Variants in TPD52L2 observed in about 807,000 individuals in gnomAD.
The protein encoded by TPD52L2 is TPD52 like 2, also known as tumor protein D54.
Under a neutral mutation model 24.7 loss-of-function variants are expected in TPD52L2, and 19 were observed. The observed-to-expected ratio is 0.77, with a 90% CI of 0.54 to 1.13. The LOEUF is 1.13. Among genes scored for constraint, TPD52L2 ranks in the 50% most tolerant of loss-of-function variants. TPD52L2 has a pLI of 0.00. For synonymous variants in TPD52L2, 104 were observed against 100.2 expected (o/e 1.04, Z -0.23); for missense variants, 236 against 250.4 (o/e 0.94, Z 0.39).
At position 63,873,715 on chromosome 20, in the gene TPD52L2, G is replaced by T. The variant is rs1342148154; in HGVS notation, c.213G>T (p.Glu71Asp). ...VTLRQVLAAK[E>D]RHCGELKRRL... Reference sequence around the variant, plus strand: ...TGCGCCAGGTCCTGGCAGCCAAGGAGAGGCACTGTGGAGAGCTCAAGAGGA... The same window carrying T: ...TGCGCCAGGTCCTGGCAGCCAAGGATAGGCACTGTGGAGAGCTCAAGAGGA... The change falls in exon 3 of 7, where the codon GAG (glutamate) becomes GAT (aspartate). Residue 71 changes from glutamate to aspartate, a missense_variant. Physicochemically the swap from Glu to Asp is conservative, Grantham distance 45 (BLOSUM62 2). Coordinates refer to ENST00000346249, the MANE Select transcript of TPD52L2 (RefSeq NM_003288.4). 1.2e-6 allele frequency: 2 copies of T among 1,610,792 alleles called. No homozygotes were observed. The highest frequency in any genetic ancestry group is 1.7e-6 in the Non-Finnish European group (2 of 1,178,946).
In TPD52L2 at chr20:63,890,030, C is replaced by G. The variant is rs2053274345; in HGVS notation, c.*85C>G. ...CAGCTCTGTTCAGCGGAGCAGCCAG[C>G]CAGGGCGGATGAGCAGAGCCGGCCC... is the stretch of plus-strand genomic sequence containing the variant. On this transcript the variant is annotated 3_prime_UTR_variant, in exon 7 of 7. Transcript: ENST00000346249. The G allele has an allele frequency of 6.3e-7, 1 of 1,586,356 alleles. No homozygotes were observed. Among genetic ancestry groups the G allele is most frequent in the Non-Finnish European group, 8.6e-7 (1 of 1,167,556 alleles).
At chr20:63,882,116 C>G (rs1170816214) in intron 4 of TPD52L2, among the ~76,000 whole-genome samples, 2 of 152,238 alleles carry the variant, frequency 1.3e-5, no homozygotes, top group African/African-American at 2.4e-5. Context: ...CACACGGGGC[C>G]CCGCCGTCTG....
intron 5 of TPD52L2, among the ~76,000 whole-genome samples, chr20:63,885,126 G>A (rs778358564): frequency 5.3e-5 from 8 of 152,364 alleles, no homozygotes; most frequent in South Asian, 4.1e-4. Context: ...GAACCCCGGC[G>A]GACCCCTGCT....
rs555080349 is a variant in TPD52L2 at position 63,877,724 on chromosome 20, C to T, written c.374+1849C>T. ...GAGCTTATTACAACACTCAGCGTCC[C>T]GACCCCTCTGGAGAAACCTGTGGCT... On this transcript the variant is annotated intron_variant, in intron 4 of 6. Coordinates refer to ENST00000346249, the MANE Select transcript of TPD52L2 (RefSeq NM_003288.4). This position sits in a 1 kb window ranked among gnomAD's most constrained non-coding sequence, Gnocchi z 4.1. 2.7e-4 allele frequency among the ~76,000 whole-genome samples: 41 copies of T among 152,274 alleles called. No homozygotes were observed. Among genetic ancestry groups the T allele is most frequent in the Non-Finnish European group, 4.1e-4 (28 of 68,048 alleles).
At position 63,869,383 on chromosome 20, in the gene TPD52L2, C is replaced by G; in HGVS notation, c.107C>G (p.Pro36Arg). 3 of 1,614,232 alleles carry G rather than the reference C, an allele frequency of 1.9e-6. No individual in the cohort carries two copies. Among genetic ancestry groups the G allele is most frequent in the Non-Finnish European group, 2.5e-6 (3 of 1,180,048 alleles). Residue 36 changes from proline (P) to arginine (R), a missense_variant, in exon 2 of 7, where the codon CCT (proline) becomes CGT (arginine). Physicochemically the swap from Pro to Arg is moderately radical, Grantham distance 103 (BLOSUM62 -2). Coordinates refer to ENST00000346249, the MANE Select transcript of TPD52L2 (RefSeq NM_003288.4). Reference protein sequence around the residue: ...PVDTGVAARTPAVEGLTEAEE... With the variant: ...PVDTGVAARTRAVEGLTEAEE... ...GACACAGGTGTGGCTGCCCGGACTC[C>G]TGCTGTTGAGGGTCTGACAGAGGCT... is the stretch of plus-strand genomic sequence containing the variant.
intron 4 of TPD52L2, among the ~76,000 whole-genome samples, chr20:63,879,262 C>T (rs1327118946): frequency 6.6e-6 from 1 of 152,180 alleles, no homozygotes; most frequent in Non-Finnish European, 1.5e-5. Flanking sequence ...CTCATTTCCA[C>T]ACCCGAGCAA....
chr20:63,882,241 A>C (rs942181538), intron 4 of TPD52L2, among the ~76,000 whole-genome samples: 2 of 152,238 alleles, frequency 1.3e-5, no homozygotes, highest in Non-Finnish European at 2.9e-5. Flanking sequence ...GAGGAAAGGG[A>C]AACTTGCACG....
At position 63,889,841 on chromosome 20, in the gene TPD52L2, C is replaced by G; in HGVS notation, c.526-9C>G. On this transcript the variant is annotated splice_polypyrimidine_tract_variant and intron_variant, in intron 6 of 6. Coordinates refer to ENST00000346249, the MANE Select transcript of TPD52L2 (RefSeq NM_003288.4). ...AGGTTTTTCTGTCTTCATCTTTTCT[C>G]TCCTGTAGTCTAAGGTTGTGGGTGA... 6.2e-7 allele frequency: 1 copy of G among 1,613,028 alleles called. No individual in the cohort carries two copies. Among genetic ancestry groups the G allele is most frequent in the Non-Finnish European group, 8.5e-7 (1 of 1,179,198 alleles).
rs1175618669 is a variant in TPD52L2, at chr20:63,873,760, G to C, written c.258G>C (p.Leu86=). 4 of 1,601,254 alleles carry C rather than the reference G, an allele frequency of 2.5e-6. No individual in the cohort carries two copies. In the Admixed American group the frequency reaches 5.2e-5, roughly 21 times the overall value. ...ELKRRLGLST[L]GELKQNLSRS... ...AGAGGAGGCTGGGCCTCTCCACCCT[G>C]GGGGAGCTGAAACAGAACCTGTCCA... Residue 86 remains leucine (L), a synonymous_variant, in exon 3 of 7, where the codon CTG becomes CTC. Transcript: ENST00000346249.
chr20:63,886,365 CTT>C (rs536322547), intron 5 of TPD52L2, among the ~76,000 whole-genome samples: 12 of 142,818 alleles, frequency 8.4e-5, no homozygotes, highest in Admixed American at 7.0e-5. Flanking sequence ...TGAAAAGGAG[CTT>C]TTTTTTTTTT....
At chr20:63,876,148 G>C (rs910370807) in intron 4 of TPD52L2, among the ~76,000 whole-genome samples, 3 of 152,160 alleles carry the variant, frequency 2.0e-5, no homozygotes, top group African/African-American at 7.2e-5. Flanking sequence ...GCCTGCACTG[G>C]TCCTGGCTGT....
At chr20:63,887,432 G>A in intron 5 of TPD52L2, 1 of 1,001,422 alleles carries the variant, frequency 1.0e-6, no homozygotes, top group Non-Finnish European at 1.6e-6. Flanking sequence ...TGTGTGGAGG[G>A]GCAGGCAGCT....
At position 63,877,583 on chromosome 20, in the gene TPD52L2, C is replaced by T. The variant is rs917319959; in HGVS notation, c.374+1708C>T. ...TCATCCTTGCAGTTTGGGCATCAGG[C>T]GGACGCACAGTGCAGACTCAGTCTG... On this transcript the variant is annotated intron_variant, in intron 4 of 6. Coordinates refer to ENST00000346249, the MANE Select transcript of TPD52L2 (RefSeq NM_003288.4). This position sits in a 1 kb window ranked among gnomAD's most constrained non-coding sequence, Gnocchi z 4.1. 5.3e-5 allele frequency among the ~76,000 whole-genome samples: 8 copies of T among 152,210 alleles called. No homozygotes were observed. The highest frequency in any genetic ancestry group is 3.8e-4 in the East Asian group (2 of 5,204).
intron 2 of TPD52L2, among the ~76,000 whole-genome samples, chr20:63,870,504 A>G (rs185481814): frequency 2.7e-4 from 40 of 150,436 alleles, no homozygotes; most frequent in African/African-American, 9.5e-4. Flanking sequence ...TCAGAGTTGA[A>G]TTACAATAAG....
chr20:63,884,219 C>G (rs1014827798), intron 5 of TPD52L2, among the ~76,000 whole-genome samples: 2 of 152,096 alleles, frequency 1.3e-5, no homozygotes, highest in Non-Finnish European at 2.9e-5. Context: ...GTGGGGCACC[C>G]TACAAATGCA....
chr20:63,866,194 T>TC (rs780091498), intron 1 of TPD52L2, among the ~76,000 whole-genome samples: 12 of 152,046 alleles, frequency 7.9e-5, no homozygotes, highest in Non-Finnish European at 1.6e-4. Flanking sequence ...AACCTCGACC[T>TC]CCCGGGTTCA....
At chr20:63,873,382 G>T (rs2052539550) in intron 2 of TPD52L2, among the ~76,000 whole-genome samples, 1 of 151,976 alleles carries the variant, frequency 6.6e-6, no homozygotes, top group South Asian at 2.1e-4. Context: ...CCAGCTACTT[G>T]GGAGGCTGAG....
At position 63,890,596 on chromosome 20, in the gene TPD52L2, C is replaced by A. The variant is rs2053291235; in HGVS notation, c.*651C>A. The stretch of plus-strand genomic sequence containing the variant: ...GCTTTAGCCTCATAGAATATTATTT[C>A]TTTGGACTCAAGCTGAAATACAAGC... On this transcript the variant is annotated 3_prime_UTR_variant, in exon 7 of 7. Coordinates refer to ENST00000346249, the MANE Select transcript of TPD52L2 (RefSeq NM_003288.4). 6.5e-6 allele frequency: 1 copy of A among 152,914 alleles called. No individual in the cohort carries two copies. The highest frequency in any genetic ancestry group is 2.4e-5 in the African/African-American group (1 of 41,450). The allele number at this position is 152,914 out of a possible 1,614,324, so 9.5% of individuals were successfully genotyped here. A position where few individuals can be genotyped will look rare whatever the true frequency, so the allele number is the denominator to read the frequency against.
intron 2 of TPD52L2, among the ~76,000 whole-genome samples, chr20:63,869,656 C>T (rs1214687846): frequency 6.6e-6 from 1 of 152,196 alleles, no homozygotes; most frequent in Non-Finnish European, 1.5e-5. Context: ...GGGCATGACT[C>T]CCTTCCCATA....
Sources: gnomAD v4.1 joint callset for allele counts (sites outside exome capture counted in the v4.1 genomes callset) on GRCh38, gnomAD v4.1.1 for gene constraint, Gnocchi (gnomAD v3.1) non-coding constraint, MANE v1.5 for transcripts, NCBI Gene and HGNC (gene_info 2026-07-23, HGNC 2026-07-21) for gene names.